The following JAZF1 variants were observed in gnomAD, a reference collection of about 807,000 sequenced individuals.
JAZF1 encodes the protein juxtaposed with another zinc finger protein 1.
Under a neutral mutation model 26.4 loss-of-function variants are expected in JAZF1, and 8 were observed. That is an observed-to-expected ratio of 0.30 (90% CI 0.18 to 0.55). The LOEUF is 0.55. JAZF1 is among the 20% of genes least tolerant of loss of function. The pLI is 0.94. For missense variants in JAZF1, 199 were observed against 322.0 expected (o/e 0.62, Z 2.92); for synonymous variants, 126 against 122.3 (o/e 1.03, Z -0.20).
At chr7:28,138,903 A>C (rs1313012098) in intron 1 of JAZF1, among the ~76,000 whole-genome samples, 2 of 152,248 alleles carry the variant, frequency 1.3e-5, no homozygotes, top group African/African-American at 4.8e-5. Context: ...CTGGAGGCTC[A>C]AATGAGATAA....
At chr7:27,910,050 A>T (rs1784334403) in intron 2 of JAZF1, among the ~76,000 whole-genome samples, 1 of 152,258 alleles carries the variant, frequency 6.6e-6, no homozygotes, top group Non-Finnish European at 1.5e-5. Flanking sequence ...GAGCACTGTT[A>T]TATAGAGTCT....
At position 28,162,181 on chromosome 7, in the gene JAZF1, T is replaced by C. The variant is rs559225005; in HGVS notation, c.115+18282A>G. Among the ~76,000 whole-genome samples, 3 of 152,342 alleles carry C rather than the reference T, an allele frequency of 2.0e-5. No individual in the cohort carries two copies. In the South Asian group the frequency reaches 6.2e-4, roughly 32 times the overall value. On this transcript the variant is annotated intron_variant, in intron 1 of 4. Coordinates refer to ENST00000283928, the MANE Select transcript of JAZF1 (RefSeq NM_175061.4). ...CTGTCTACCCAAATCAGGCCTTCCT[T>C]TCCTCTACAGTAATAGAATTATAGC...
At chr7:27,896,050 T>G (rs1295517754) in intron 2 of JAZF1, among the ~76,000 whole-genome samples, 1 of 152,186 alleles carries the variant, frequency 6.6e-6, no homozygotes, top group African/African-American at 2.4e-5. Context: ...CAGACAGAAC[T>G]GCATACATCT....
intron 1 of JAZF1, among the ~76,000 whole-genome samples, chr7:28,111,513 G>A (rs1025716767): frequency 6.6e-6 from 1 of 152,046 alleles, no homozygotes; most frequent in African/African-American, 2.4e-5. Context: ...AAATATCATC[G>A]CTTTCTATCA....
chr7:27,903,521 T>C (rs1278332874), intron 2 of JAZF1, among the ~76,000 whole-genome samples: 1 of 152,190 alleles, frequency 6.6e-6, no homozygotes, highest in Admixed American at 6.5e-5. Flanking sequence ...TGCAATGGTA[T>C]CTATTAAATG....
At chr7:27,858,044 CAA>C (rs1783304047) in intron 3 of JAZF1, among the ~76,000 whole-genome samples, 1 of 152,258 alleles carries the variant, frequency 6.6e-6, no homozygotes, top group African/African-American at 2.4e-5. Context: ...GCAACTTCAG[CAA>C]AGTCTCAGGA....
At chr7:27,927,189 T>C (rs1784614316) in intron 2 of JAZF1, among the ~76,000 whole-genome samples, 1 of 152,218 alleles carries the variant, frequency 6.6e-6, no homozygotes, top group African/African-American at 2.4e-5. Flanking sequence ...CTTCAGAGTT[T>C]CCCAGGATTC....
chr7:27,992,038 C>T (rs1785915949), intron 1 of JAZF1, 57 bp from the exon 2 acceptor site: 1 of 988,132 alleles, frequency 1.0e-6, no homozygotes, highest in South Asian at 1.3e-5. Context: ...ATATATGAGG[C>T]TACCTAACAC....
rs142323959 is a variant in JAZF1 at position 28,134,765 on chromosome 7, T to C, written c.115+45698A>G. ...TATAAGAAGAGAGAATTGAAAAATA[T>C]GTGTATATAGGTGTGTGACTCCTAC... On this transcript the variant is annotated intron_variant, in intron 1 of 4. Transcript: ENST00000283928. Among the ~76,000 whole-genome samples, 319 of 152,316 alleles carry C rather than the reference T, an allele frequency of 2.1e-3. 1 individual carries two copies. Among genetic ancestry groups the C allele is most frequent in the African/African-American group, 7.1e-3 (295 of 41,558 alleles).
chr7:28,101,003 G>C (rs1245856643), intron 1 of JAZF1, among the ~76,000 whole-genome samples: 1 of 152,218 alleles, frequency 6.6e-6, no homozygotes, highest in Non-Finnish European at 1.5e-5. Context: ...ATTATTTATA[G>C]ATCATGTCAT....
At chr7:28,124,114 T>A (rs1782655673) in intron 1 of JAZF1, among the ~76,000 whole-genome samples, 1 of 152,042 alleles carries the variant, frequency 6.6e-6, no homozygotes. Context: ...ATAGGGCCTT[T>A]AAAAAGGAAA....
intron 1 of JAZF1, among the ~76,000 whole-genome samples, chr7:28,058,575 C>T (rs1289467739): frequency 1.3e-5 from 2 of 152,176 alleles, no homozygotes; most frequent in Admixed American, 6.5e-5. Flanking sequence ...AACAGTATAG[C>T]ATAGATGCTT....
intron 1 of JAZF1, among the ~76,000 whole-genome samples, chr7:27,998,805 G>C (rs918218964): frequency 6.6e-6 from 1 of 152,208 alleles, no homozygotes; most frequent in Non-Finnish European, 1.5e-5. Flanking sequence ...ACCAAGAACT[G>C]TTTGGACAAT....
chr7:28,139,095 C>T (rs974923277), intron 1 of JAZF1, among the ~76,000 whole-genome samples: 3 of 152,146 alleles, frequency 2.0e-5, no homozygotes, highest in African/African-American at 7.2e-5. Context: ...AGACAAATTT[C>T]CCGGTTGCCT....
chr7:28,049,704 T>C (rs1783578545), intron 1 of JAZF1, among the ~76,000 whole-genome samples: 1 of 152,176 alleles, frequency 6.6e-6, no homozygotes, highest in Non-Finnish European at 1.5e-5. Context: ...TTTGCTAGGA[T>C]GGTTCACAGA....
chr7:28,109,452 C>T (rs1457105071), intron 1 of JAZF1, among the ~76,000 whole-genome samples: 12 of 152,178 alleles, frequency 7.9e-5, no homozygotes, highest in Non-Finnish European at 1.5e-5. Context: ...TGATACGCCG[C>T]ATGCCTACAT....
At chr7:28,166,573 T>C (rs74348136) in intron 1 of JAZF1, among the ~76,000 whole-genome samples, 6 of 152,348 alleles carry the variant, frequency 3.9e-5, no homozygotes, top group African/African-American at 1.4e-4. Flanking sequence ...TGCTTGGTTG[T>C]TGCAACATGT....
At chr7:27,882,826 G>T (rs1222407945) in intron 3 of JAZF1, among the ~76,000 whole-genome samples, 2 of 152,148 alleles carry the variant, frequency 1.3e-5, no homozygotes, top group African/African-American at 4.8e-5. Flanking sequence ...TTAGACTGGT[G>T]GTGGCAGGGA....
intron 3 of JAZF1, among the ~76,000 whole-genome samples, chr7:27,854,833 T>C (rs1262282517): frequency 1.3e-5 from 2 of 152,210 alleles, no homozygotes; most frequent in Admixed American, 1.3e-4. Flanking sequence ...CTGACAATTA[T>C]GTGTCTTGGG....
Sources: allele counts gnomAD v4.1 joint callset (sites outside exome capture counted in the v4.1 genomes callset), GRCh38; gene constraint gnomAD v4.1.1; transcripts MANE v1.5; gene names NCBI Gene and HGNC (gene_info 2026-07-23, HGNC 2026-07-21).